Variants in GOLGA4 observed in about 807,000 individuals in gnomAD.
The protein encoded by GOLGA4 is golgin subfamily A member 4.
GOLGA4 carries 169 observed loss-of-function variants against 265.9 expected under a neutral mutation model. The ratio of observed to expected loss-of-function variants is 0.64; its 90% CI spans 0.56 to 0.72. The LOEUF (loss-of-function observed/expected upper bound fraction) is 0.72, where lower values mean the gene tolerates loss of function less well. Ranked by LOEUF, GOLGA4 falls within the 30% of genes least tolerant of loss-of-function variation. The pLI, the probability that GOLGA4 is intolerant of heterozygous loss-of-function variation, is 0.00. For synonymous variants in GOLGA4, 923 were observed against 855.8 expected (o/e 1.08, Z -1.37); for missense variants, 2,482 against 2,483.4 (o/e 1.00, Z 0.01).
At chr3:37,362,471 A>C (rs908362307) in intron 23 of GOLGA4, among the ~76,000 whole-genome samples, 1 of 151,142 alleles carries the variant, frequency 6.6e-6, no homozygotes, top group South Asian at 2.1e-4. Flanking sequence ...CGATCTCCTG[A>C]CCTCGTGATC....
At chr3:37,329,750 A>G (rs924377763) in intron 16 of GOLGA4, among the ~76,000 whole-genome samples, 10 of 152,252 alleles carry the variant, frequency 6.6e-5, no homozygotes, top group Non-Finnish European at 8.8e-5. Flanking sequence ...AAGATAAATC[A>G]TAAATGCTAG....
At chr3:37,305,289 A>G (rs2096903162) in intron 10 of GOLGA4, among the ~76,000 whole-genome samples, 1 of 152,222 alleles carries the variant, frequency 6.6e-6, no homozygotes, top group African/African-American at 2.4e-5. Flanking sequence ...GTGCTTTTAT[A>G]GATTTCTTAA....
intron 22 of GOLGA4, among the ~76,000 whole-genome samples, chr3:37,356,932 G>A (rs531938836): frequency 1.3e-5 from 2 of 152,140 alleles, no homozygotes; most frequent in South Asian, 4.1e-4. Flanking sequence ...ATCCTAAGTC[G>A]CTGCTCTAGC....
intron 22 of GOLGA4, among the ~76,000 whole-genome samples, chr3:37,360,725 A>G (rs562923537): frequency 6.6e-6 from 1 of 152,292 alleles, no homozygotes; most frequent in East Asian, 1.9e-4. Flanking sequence ...CCATTCCTGA[A>G]ACCATTTCTG....
intron 16 of GOLGA4, among the ~76,000 whole-genome samples, chr3:37,331,837 T>C (rs372230719): frequency 1.3e-3 from 101 of 76,144 alleles, no homozygotes; most frequent in African/African-American, 3.5e-3. Flanking sequence ...CATACACATA[T>C]ATATTAATGT....
At chr3:37,291,161 A>G (rs1004549319) in intron 5 of GOLGA4, among the ~76,000 whole-genome samples, 1 of 152,220 alleles carries the variant, frequency 6.6e-6, no homozygotes, top group African/African-American at 2.4e-5. Context: ...TTTAATGCCT[A>G]AAACCTGATG....
At chr3:37,281,892 G>A in intron 2 of GOLGA4, 66 bp from the exon 3 acceptor site, 3 of 1,040,528 alleles carry the variant, frequency 2.9e-6, no homozygotes, top group Middle Eastern at 2.1e-4. Flanking sequence ...TATTGCTGGT[G>A]ATGGGGTAAT....
At position 37,343,481 on chromosome 3, in the gene GOLGA4, G is replaced by A. The variant is rs112633199; in HGVS notation, c.6472+3282G>A. 3.4e-3 allele frequency among the ~76,000 whole-genome samples: 517 copies of A among 152,118 alleles called. 4 individuals carry two copies. Among genetic ancestry groups the A allele is most frequent in the African/African-American group, 0.012 (504 of 41,498 alleles). On this transcript the variant is annotated intron_variant, in intron 20 of 23. Coordinates refer to ENST00000361924, the MANE Select transcript of GOLGA4 (RefSeq NM_002078.5). The stretch of plus-strand genomic sequence containing the variant: ...TCTGCCCACCTCGGCCTCCCAAAGT[G>A]CTGGGATTACAGACGTTAGCTGCTG...
At position 37,323,639 on chromosome 3, in the gene GOLGA4, A is replaced by T; in HGVS notation, c.1753A>T (p.Asn585Tyr). 2 of 1,582,028 alleles carry T rather than the reference A, an allele frequency of 1.3e-6. No homozygotes were observed. Among genetic ancestry groups the T allele is most frequent in the South Asian group, 2.4e-5 (2 of 84,840 alleles). ...SLEKSLQENKNQSKDLAVHLE... is the reference protein window; with the variant it reads ...SLEKSLQENKYQSKDLAVHLE... Reference sequence around the variant, plus strand: ...GGAAAAAAGCTTACAAGAAAACAAAAATCAGTCAAAAGATTTGGCTGTTCA... The same window carrying T: ...GGAAAAAAGCTTACAAGAAAACAAATATCAGTCAAAAGATTTGGCTGTTCA... Residue 585 changes from asparagine to tyrosine, a missense_variant, in exon 14 of 24, where the codon AAT (asparagine) becomes TAT (tyrosine). Transcript: ENST00000361924.
chr3:37,256,720 C>T (rs1439617332), intron 2 of GOLGA4, among the ~76,000 whole-genome samples: 5 of 151,938 alleles, frequency 3.3e-5, no homozygotes, highest in African/African-American at 1.2e-4. Flanking sequence ...TTTTTTGCTT[C>T]CCTAGTTCTG....
intron 20 of GOLGA4, among the ~76,000 whole-genome samples, chr3:37,343,556 A>G (rs76919647): frequency 1.3e-5 from 2 of 152,194 alleles, no homozygotes; most frequent in African/African-American, 4.8e-5. Context: ...AACAGTGCCC[A>G]TACATTGCAT....
At chr3:37,350,018 C>T (rs2097068886) in intron 21 of GOLGA4, among the ~76,000 whole-genome samples, 1 of 152,146 alleles carries the variant, frequency 6.6e-6, no homozygotes, top group Admixed American at 6.6e-5. Flanking sequence ...AATGCTGAAC[C>T]TGAAATTCAG....
At chr3:37,339,997 G>T (rs937609562) in intron 19 of GOLGA4, 127 bp from the exon 20 acceptor site, 2 of 446,056 alleles carry the variant, frequency 4.5e-6, no homozygotes, top group Non-Finnish European at 8.2e-6. Context: ...TAAACCATTT[G>T]TCTTAATTTT....
intron 1 of GOLGA4, among the ~76,000 whole-genome samples, chr3:37,249,534 G>C (rs999094965): frequency 1.3e-5 from 2 of 151,974 alleles, no homozygotes; most frequent in African/African-American, 4.8e-5. Flanking sequence ...TCAGCCTCCT[G>C]AGTACCTGGG....
chr3:37,340,555 T>G lies in GOLGA4; in HGVS notation c.6472+356T>G, dbSNP rs547434022. ...GTAGTCAACCGTATTTTACAATAGATCTCTTGAACTTATTCTTCCTTATTG... is the reference window on the plus strand; with the variant it reads ...GTAGTCAACCGTATTTTACAATAGAGCTCTTGAACTTATTCTTCCTTATTG... On this transcript the variant is annotated intron_variant, in intron 20 of 23. Coordinates refer to ENST00000361924, the MANE Select transcript of GOLGA4 (RefSeq NM_002078.5). Among the ~76,000 whole-genome samples the G allele has an allele frequency of 2.0e-5, 3 of 152,272 alleles. No homozygotes were observed. The East Asian group carries it at 5.8e-4, about 29-fold the overall frequency.
At chr3:37,256,450 A>G (rs977246625) in intron 2 of GOLGA4, among the ~76,000 whole-genome samples, 1 of 152,068 alleles carries the variant, frequency 6.6e-6, no homozygotes, top group African/African-American at 2.4e-5. Flanking sequence ...AGCCTGGGCA[A>G]TAAAAGCAAA....
chr3:37,294,930 AT>A (rs1559393103), intron 5 of GOLGA4, 48 bp from the exon 6 acceptor site: 4 of 1,274,812 alleles, frequency 3.1e-6, no homozygotes, highest in Admixed American at 2.1e-5. Context: ...AAAACTTTGT[AT>A]TTTTTGTTTT....
At chr3:37,345,902 G>A (rs1446637658) in intron 20 of GOLGA4, among the ~76,000 whole-genome samples, 1 of 151,010 alleles carries the variant, frequency 6.6e-6, no homozygotes, top group Non-Finnish European at 1.5e-5. Flanking sequence ...AGCCACCATC[G>A]CGCCACTGCA....
chr3:37,286,170 G>A lies in GOLGA4; in HGVS notation c.525+109G>A, dbSNP rs1250941119. ...TTTTTTTTTTTTTTTTTTTTGAGAC[G>A]GAGTCTCGCTCTGTCGCCCAGGCTG... On this transcript the variant is annotated intron_variant, in intron 4 of 23. Transcript: ENST00000361924. 4 of 505,844 alleles carry A rather than the reference G, an allele frequency of 7.9e-6. 1 individual carries two copies. Among genetic ancestry groups the A allele is most frequent in the Non-Finnish European group, 1.3e-5 (4 of 302,108 alleles). 31.3% of individuals were successfully genotyped at this position (505,844 alleles called of 1,614,324 possible).
Sources: allele counts gnomAD v4.1 joint callset (sites outside exome capture counted in the v4.1 genomes callset), GRCh38; gene constraint gnomAD v4.1.1; transcripts MANE v1.5; gene names NCBI Gene and HGNC (gene_info 2026-07-23, HGNC 2026-07-21).